Variants in CFAP210 observed in about 807,000 individuals in gnomAD.
CFAP210 encodes cilia and flagella associated protein 210, also known as cilia- and flagella- associated protein 210.
the CFAP210 span, among the ~76,000 whole-genome samples, chr2:169,667,384 C>A: frequency 6.6e-6 from 1 of 152,136 alleles, no homozygotes; most frequent in Non-Finnish European, 1.5e-5. Flanking sequence ...GGTGATCCAA[C>A]CACCTCGGCC....
chr2:169,650,064 TATAAC>T, the CFAP210 span, among the ~76,000 whole-genome samples: 1 of 152,208 alleles, frequency 6.6e-6, no homozygotes, highest in East Asian at 1.9e-4. Flanking sequence ...AAATGAAAAG[TATAAC>T]AAATAACCTT....
the CFAP210 span, among the ~76,000 whole-genome samples, chr2:169,685,310 G>A: frequency 6.6e-6 from 1 of 152,274 alleles, no homozygotes; most frequent in East Asian, 1.9e-4. Context: ...CCTAGTGGGT[G>A]GGAAGTAGTA....
At chr2:169,663,609 C>CAGTT in the CFAP210 span, among the ~76,000 whole-genome samples, 1 of 152,000 alleles carries the variant, frequency 6.6e-6, no homozygotes, top group South Asian at 2.1e-4. Context: ...GAGGACTGTA[C>CAGTT]AGTTAAGTGA....
At chr2:169,661,029 C>G in the CFAP210 span, 1 of 498,240 alleles carries the variant, frequency 2.0e-6, no homozygotes, top group Non-Finnish European at 4.0e-6. Flanking sequence ...CTTCTGAAAA[C>G]TCTTTAGCAG....
At chr2:169,648,622 G>A in the CFAP210 span, among the ~76,000 whole-genome samples, 1 of 152,160 alleles carries the variant, frequency 6.6e-6, no homozygotes, top group Admixed American at 6.5e-5. Context: ...TTAGAGAAAT[G>A]TAAAATAAAG....
At chr2:169,690,753 T>A in the CFAP210 span, among the ~76,000 whole-genome samples, 7 of 152,188 alleles carry the variant, frequency 4.6e-5, no homozygotes, top group Admixed American at 1.3e-4. Flanking sequence ...TAATTTCTTA[T>A]AAGAAATTTG....
chr2:169,683,754 AGAGTT>A, the CFAP210 span, among the ~76,000 whole-genome samples: 4 of 152,222 alleles, frequency 2.6e-5, no homozygotes, highest in Non-Finnish European at 5.9e-5. Context: ...AATCTTTAGT[AGAGTT>A]AACTGTTCAC....
At chr2:169,667,536 C>T in the CFAP210 span, among the ~76,000 whole-genome samples, 2 of 152,068 alleles carry the variant, frequency 1.3e-5, no homozygotes, top group Non-Finnish European at 2.9e-5. Context: ...TCTATGGCAG[C>T]TACAGTCTTA....
the CFAP210 span, among the ~76,000 whole-genome samples, chr2:169,670,770 G>A: frequency 6.6e-6 from 1 of 152,150 alleles, no homozygotes; most frequent in Non-Finnish European, 1.5e-5. Flanking sequence ...CAGCAAGGAG[G>A]AAGCCACATT....
chr2:169,647,641 G>A, the CFAP210 span, among the ~76,000 whole-genome samples: 1 of 152,056 alleles, frequency 6.6e-6, no homozygotes, highest in African/African-American at 2.4e-5. Context: ...AAGTAAATCA[G>A]AAGGATTCCA....
the CFAP210 span, among the ~76,000 whole-genome samples, chr2:169,653,122 G>A: frequency 2.9e-5 from 4 of 136,646 alleles, no homozygotes; most frequent in Non-Finnish European, 6.1e-5. Flanking sequence ...ATCAAGCAAC[G>A]AGGGCGAGGA....
chr2:169,691,817 C>A, the CFAP210 span, among the ~76,000 whole-genome samples: 722 of 152,256 alleles, frequency 4.7e-3, 4 homozygotes, highest in Non-Finnish European at 7.3e-3. Flanking sequence ...CTTCTCTGAA[C>A]CAATTCTGTA....
chr2:169,654,541 G>C, the CFAP210 span, among the ~76,000 whole-genome samples: 2 of 152,136 alleles, frequency 1.3e-5, no homozygotes, highest in South Asian at 4.1e-4. Flanking sequence ...AAGTAGGTGG[G>C]GGAAAGCAGA....
the CFAP210 span, chr2:169,645,728 A>G: frequency 2.8e-6 from 2 of 705,850 alleles, no homozygotes; most frequent in Non-Finnish European, 4.6e-6. Flanking sequence ...AATCAATTAA[A>G]TCAGACATAA....
the CFAP210 span, among the ~76,000 whole-genome samples, chr2:169,666,637 G>A: frequency 0.046 from 6,975 of 151,642 alleles, 549 homozygotes; most frequent in African/African-American, 0.16. Context: ...AGTGGCTGTG[G>A]CAATTTATTA....
the CFAP210 span, among the ~76,000 whole-genome samples, chr2:169,687,577 T>C: frequency 6.6e-6 from 1 of 152,208 alleles, no homozygotes; most frequent in South Asian, 2.1e-4. Flanking sequence ...CAGGTCATGC[T>C]GATGCAAAAG....
the CFAP210 span, among the ~76,000 whole-genome samples, chr2:169,651,506 T>C: frequency 6.6e-6 from 1 of 151,962 alleles, no homozygotes. Context: ...GCGATTCTCC[T>C]GCCTCAGCCC....
the CFAP210 span, among the ~76,000 whole-genome samples, chr2:169,692,444 G>GCACGCA: frequency 2.1e-5 from 3 of 143,788 alleles, no homozygotes; most frequent in East Asian, 2.1e-4. Flanking sequence ...ACAGGCGCAC[G>GCACGCA]CACACACACA....
At chr2:169,674,893 G>C in the CFAP210 span, 1 of 1,519,276 alleles carries the variant, frequency 6.6e-7, no homozygotes, top group Non-Finnish European at 8.8e-7. Context: ...CTTTCTGTCT[G>C]GTAAAATTGA....
Sources: gnomAD v4.1 joint callset for allele counts (sites outside exome capture counted in the v4.1 genomes callset) on GRCh38, gnomAD v4.1.1 for gene constraint, MANE v1.5 for transcripts, NCBI Gene and HGNC (gene_info 2026-07-23, HGNC 2026-07-21) for gene names.